Variants in CHD1L observed in about 807,000 individuals in gnomAD.
The protein encoded by CHD1L is ATP-dependent chromatin remodeler CHD1L.
A neutral mutation model predicts 115.9 loss-of-function variants in CHD1L; 118 were observed. The observed-to-expected ratio is 1.02, with a 90% CI of 0.88 to 1.19. The LOEUF (loss-of-function observed/expected upper bound fraction) is 1.19. Among genes scored for constraint, CHD1L ranks in the 50% most tolerant of loss-of-function variants. CHD1L has a pLI of 0.00. For missense variants in CHD1L, 1,179 were observed against 1,065.3 expected (o/e 1.11, Z -1.49); for synonymous variants, 411 against 387.1 (o/e 1.06, Z -0.72).
the CHD1L span, chr1:147,173,578 C>G: frequency 6.6e-6 from 1 of 152,220 alleles, no homozygotes; most frequent in African/African-American, 2.4e-5. Flanking sequence ...AGGGCAAAGA[C>G]AGCCCTAGGG....
At chr1:147,257,919 A>C (rs7519804) in intron 5 of CHD1L, among the ~76,000 whole-genome samples, 53,911 of 151,922 alleles carry the variant, frequency 0.35, 9,804 homozygotes, top group African/African-American at 0.42. Context: ...TATTTCAGAT[A>C]ATCGGTTTTC....
At chr1:147,293,496 C>CA in intron 20 of CHD1L, 112 bp from the exon 21 acceptor site, 1 of 777,018 alleles carries the variant, frequency 1.3e-6, no homozygotes, top group Non-Finnish European at 2.2e-6. Flanking sequence ...CCGAAAGAGA[C>CA]AGAGCCAAGC....
chr1:147,283,621 C>T (rs12036763), intron 15 of CHD1L, among the ~76,000 whole-genome samples: 103,641 of 152,114 alleles, frequency 0.68, 35,411 homozygotes, highest in African/African-American at 0.71. Flanking sequence ...AGTGATCTGA[C>T]AGCATGAAGT....
chr1:147,201,105 A>G, the CHD1L span: 1 of 1,370,126 alleles, frequency 7.3e-7, no homozygotes. Flanking sequence ...AAACAGAGGT[A>G]AACATATCAC....
At chr1:147,209,243 C>A in the CHD1L span, among the ~76,000 whole-genome samples, 2 of 151,998 alleles carry the variant, frequency 1.3e-5, no homozygotes, top group African/African-American at 2.4e-5. Context: ...CACAGTGAAA[C>A]CCCGTCTCTA....
chr1:147,220,944 C>CAAAA, the CHD1L span, among the ~76,000 whole-genome samples: 813 of 137,316 alleles, frequency 5.9e-3, 9 homozygotes, highest in Non-Finnish European at 9.3e-3. Context: ...TTTAAGTTTC[C>CAAAA]AAAAAAAAAA....
At chr1:147,232,543 T>G in the CHD1L span, among the ~76,000 whole-genome samples, 2 of 150,970 alleles carry the variant, frequency 1.3e-5, no homozygotes, top group South Asian at 4.3e-4. Flanking sequence ...CTCCCTGTGA[T>G]GCCGAGCCGA....
intron 10 of CHD1L, 99 bp from the exon 11 acceptor site, chr1:147,270,829 GTATT>G: frequency 2.2e-6 from 2 of 898,614 alleles, no homozygotes; most frequent in Non-Finnish European, 3.6e-6. Context: ...TTCTACTTTG[GTATT>G]TATTTATAAA....
chr1:147,177,632 T>G, the CHD1L span, among the ~76,000 whole-genome samples: 1 of 152,188 alleles, frequency 6.6e-6, no homozygotes, highest in Admixed American at 6.5e-5. Context: ...TGATCTTTGA[T>G]CTGTTTCCTC....
chr1:147,203,863 ATC>A, the CHD1L span: 8 of 1,582,144 alleles, frequency 5.1e-6, no homozygotes, highest in South Asian at 8.9e-5. Flanking sequence ...CCACCTGAGT[ATC>A]TCCAACTTCT....
the CHD1L span, among the ~76,000 whole-genome samples, chr1:147,201,810 G>A: frequency 6.6e-6 from 1 of 152,134 alleles, no homozygotes; most frequent in African/African-American, 2.4e-5. Flanking sequence ...TAAGGCCACA[G>A]GTCAATAGTT....
chr1:147,193,326 G>T, the CHD1L span, among the ~76,000 whole-genome samples: 1 of 152,198 alleles, frequency 6.6e-6, no homozygotes, highest in South Asian at 2.1e-4. Context: ...TCTGATGGTA[G>T]TTTGTATTTC....
At chr1:147,245,790 A>C (rs1273205368) in intron 1 of CHD1L, among the ~76,000 whole-genome samples, 7 of 151,326 alleles carry the variant, frequency 4.6e-5, no homozygotes, top group East Asian at 1.9e-4. Context: ...TGATCCTCCC[A>C]CCTCAGCCTT....
rs141587635 is a variant in CHD1L, at chr1:147,273,096, C to T, written c.1270+815C>T. Reference sequence around the variant, plus strand: ...TGCGTGCCTGTAATCCCAACTACTACGGAGGCTGAGGCAGGAGAACCGCTG... The same window carrying T: ...TGCGTGCCTGTAATCCCAACTACTATGGAGGCTGAGGCAGGAGAACCGCTG... On this transcript the variant is annotated intron_variant, in intron 12 of 22. Coordinates refer to ENST00000369258, the MANE Select transcript of CHD1L (RefSeq NM_004284.6). Among the ~76,000 whole-genome samples, 546 of 152,050 alleles carry T rather than the reference C, an allele frequency of 3.6e-3. 8 individuals are homozygous for T. The highest frequency in any genetic ancestry group is 0.012 in the African/African-American group (510 of 41,468).
chr1:147,200,789 G>C, the CHD1L span, among the ~76,000 whole-genome samples: 5,602 of 152,072 alleles, frequency 0.037, 148 homozygotes, highest in South Asian at 0.096. Context: ...TTTTACTTCA[G>C]AAATATATGC....
chr1:147,248,499 T>C (rs1176852719), intron 1 of CHD1L, among the ~76,000 whole-genome samples: 1 of 152,190 alleles, frequency 6.6e-6, no homozygotes, highest in African/African-American at 2.4e-5. Context: ...TGAGCCACTG[T>C]GCCCAGCCAA....
In CHD1L at chr1:147,283,197, G is replaced by T. The variant is rs981613582; in HGVS notation, c.1706-1154G>T. 8.5e-5 allele frequency among the ~76,000 whole-genome samples: 13 copies of T among 152,188 alleles called. 1 individual carries two copies. In the East Asian group the frequency reaches 2.3e-3, roughly 27 times the overall value. On this transcript the variant is annotated intron_variant, in intron 15 of 22. Transcript: ENST00000369258. ...TCAGCTCTATTTTTTTCTACTTGTTGATAGAGTGCCTCATTGAAAGCCCCC... is the reference window on the plus strand; with the variant it reads ...TCAGCTCTATTTTTTTCTACTTGTTTATAGAGTGCCTCATTGAAAGCCCCC...
the CHD1L span, chr1:147,223,642 T>A: frequency 1.9e-4 from 29 of 156,692 alleles, no homozygotes; most frequent in Non-Finnish European, 3.7e-4. Context: ...TTGTGAATCC[T>A]CTGTTTGAGA....
At chr1:147,186,744 T>A in the CHD1L span, 1 of 1,435,520 alleles carries the variant, frequency 7.0e-7, no homozygotes, top group Non-Finnish European at 9.1e-7. Context: ...GAAAACAGGT[T>A]TCATTGTAGG....
Sources: gnomAD v4.1 joint callset for allele counts (sites outside exome capture counted in the v4.1 genomes callset) on GRCh38, gnomAD v4.1.1 for gene constraint, MANE v1.5 for transcripts, NCBI Gene and HGNC (gene_info 2026-07-23, HGNC 2026-07-21) for gene names.